The following TMEM67 variants were observed in gnomAD, a reference collection of about 807,000 sequenced individuals.
TMEM67 encodes the protein meckelin.
TMEM67 carries 124 observed loss-of-function variants against 136.6 expected under a neutral mutation model. The ratio of observed to expected loss-of-function variants is 0.91; its 90% CI spans 0.78 to 1.05. TMEM67 has a LOEUF of 1.05. TMEM67 is among the 50% of genes least tolerant of loss of function. The pLI is 0.00. For synonymous variants in TMEM67, 364 were observed against 390.5 expected (o/e 0.93, Z 0.80); for missense variants, 1,107 against 1,178.4 (o/e 0.94, Z 0.89).
At chr8:93,760,794 AC>A (rs1296338366) in intron 3 of TMEM67, among the ~76,000 whole-genome samples, 2 of 152,172 alleles carry the variant, frequency 1.3e-5, no homozygotes, top group Non-Finnish European at 2.9e-5. Flanking sequence ...ATTAATGCAT[AC>A]AATAGACAGA....
chr8:93,757,927 T>C (rs1322438601), intron 2 of TMEM67, among the ~76,000 whole-genome samples: 1 of 152,112 alleles, frequency 6.6e-6, no homozygotes, highest in African/African-American at 2.4e-5. Flanking sequence ...CAGCTAATTT[T>C]TGTATTTTTA....
At chr8:93,789,289 T>C (rs1814263322) in intron 14 of TMEM67, among the ~76,000 whole-genome samples, 1 of 152,176 alleles carries the variant, frequency 6.6e-6, no homozygotes. Context: ...CTCATTTGTA[T>C]TACCTAATCC....
chr8:93,770,946 CAG>C (rs1234994109), intron 6 of TMEM67, among the ~76,000 whole-genome samples: 6 of 151,154 alleles, frequency 4.0e-5, no homozygotes, highest in Non-Finnish European at 8.8e-5. Flanking sequence ...ACCCAGGAGA[CAG>C]AGGTTGCAGT....
chr8:93,813,793 A>G (rs1052696699), intron 26 of TMEM67, among the ~76,000 whole-genome samples: 1 of 152,242 alleles, frequency 6.6e-6, no homozygotes, highest in African/African-American at 2.4e-5. Flanking sequence ...AGGAGAAAGT[A>G]GAAGCACACA....
chr8:93,805,576 G>A (rs1299560317), intron 23 of TMEM67, among the ~76,000 whole-genome samples: 12 of 137,446 alleles, frequency 8.7e-5, no homozygotes, highest in African/African-American at 3.4e-4. Context: ...GCGAGACTCC[G>A]TCTCAAAAAA....
intron 26 of TMEM67, among the ~76,000 whole-genome samples, chr8:93,810,534 C>A (rs1052051935): frequency 2.0e-5 from 3 of 152,022 alleles, no homozygotes; most frequent in Admixed American, 2.0e-4. Flanking sequence ...GAGCTGGGAT[C>A]ACTCCATTGC....
In TMEM67 at chr8:93,816,964, T is replaced by C. The variant is rs570774838; in HGVS notation, c.*512T>C. On this transcript the variant is annotated 3_prime_UTR_variant, in exon 28 of 28. Transcript: ENST00000453321. ...ATTATTGCTGATTCAATTTGCATCA[T>C]TCTAATTGCTCATCCTCTTTGGCAG... is the stretch of plus-strand genomic sequence containing the variant. The C allele has an allele frequency of 6.5e-6, 1 of 152,860 alleles. No homozygotes were observed. Among genetic ancestry groups the C allele is most frequent in the East Asian group, 1.9e-4 (1 of 5,208 alleles). 9.5% of individuals were successfully genotyped at this position (152,860 alleles called of 1,614,324 possible). A position where few individuals can be genotyped will look rare whatever the true frequency, so the allele number is the denominator to read the frequency against.
the TMEM67 span, among the ~76,000 whole-genome samples, chr8:93,828,856 A>C: frequency 6.6e-6 from 1 of 152,094 alleles, no homozygotes; most frequent in Non-Finnish European, 1.5e-5. Flanking sequence ...AAACAAGACT[A>C]TTGTTAGTCA....
At chr8:93,755,205 A>G (rs1812515510) in intron 1 of TMEM67, 68 bp downstream of exon 1, 1 of 1,404,988 alleles carries the variant, frequency 7.1e-7, no homozygotes, top group African/African-American at 1.4e-5. Context: ...TAGTCCCCGT[A>G]AATGGAGTTT....
chr8:93,792,722 G>T (rs573280018), intron 15 of TMEM67, among the ~76,000 whole-genome samples: 8 of 149,328 alleles, frequency 5.4e-5, no homozygotes, highest in Non-Finnish European at 1.0e-4. Flanking sequence ...TGTTCAAATT[G>T]TCCCAGATTT....
chr8:93,779,875 C>T (rs1404811112), intron 7 of TMEM67, among the ~76,000 whole-genome samples: 5 of 152,180 alleles, frequency 3.3e-5, no homozygotes, highest in African/African-American at 7.2e-5. Flanking sequence ...TGAGCTCAAA[C>T]GCTGTGCTGG....
intron 6 of TMEM67, among the ~76,000 whole-genome samples, chr8:93,767,658 T>C (rs1219163910): frequency 6.6e-6 from 1 of 152,124 alleles, no homozygotes; most frequent in Non-Finnish European, 1.5e-5. Flanking sequence ...ATACTCATTA[T>C]TTGTTTTGAT....
chr8:93,821,291 T>A (rs1809037030), downstream of TMEM67, among the ~76,000 whole-genome samples: 2 of 152,182 alleles, frequency 1.3e-5, no homozygotes, highest in South Asian at 4.1e-4. Flanking sequence ...TAGTTTTTTA[T>A]TTTGTTTTGA....
At chr8:93,799,169 A>G (rs1019250175) in intron 20 of TMEM67, among the ~76,000 whole-genome samples, 1 of 152,174 alleles carries the variant, frequency 6.6e-6, no homozygotes, top group African/African-American at 2.4e-5. Flanking sequence ...GTATTTAAAC[A>G]TAGATTCTTT....
At chr8:93,791,463 A>G (rs1586060237) in intron 15 of TMEM67, 144 bp downstream of exon 15, 3 of 613,778 alleles carry the variant, frequency 4.9e-6, no homozygotes, top group Admixed American at 2.9e-5. Context: ...CCTTAGTACA[A>G]TGATCATAAT....
In TMEM67 at chr8:93,809,109, G is replaced by C; in HGVS notation, c.2609G>C (p.Ser870Thr). ...TCATCAGCAAGTACTTTTGAGCAGA[G>C]TATAAAAGCATATCATATGATGAAT... is the stretch of plus-strand genomic sequence containing the variant. ...LSSSASTFEQ[S>T]IKAYHMMNKF... Residue 870 changes from serine (S) to threonine (T), a missense_variant, in exon 25 of 28, where the codon AGT (serine) becomes ACT (threonine). Physicochemically the swap from Ser to Thr is moderately conservative, Grantham distance 58. Transcript: ENST00000453321. 6.2e-7 allele frequency: 1 copy of C among 1,611,202 alleles called. No individual in the cohort carries two copies. The highest frequency in any genetic ancestry group is 8.5e-7 in the Non-Finnish European group (1 of 1,177,960).
At chr8:93,809,973 T>A in intron 26 of TMEM67, 86 bp downstream of exon 26, 2 of 364,870 alleles carry the variant, frequency 5.5e-6, no homozygotes, top group African/African-American at 2.5e-5. Flanking sequence ...CTTTTTTTCT[T>A]TTTTTTTTTT....
At chr8:93,821,559 C>T (rs1809041245), downstream of TMEM67, among the ~76,000 whole-genome samples, 3 of 152,196 alleles carry the variant, frequency 2.0e-5, no homozygotes, top group South Asian at 6.2e-4. Flanking sequence ...ACTAGGATTA[C>T]ACACCTGTGT....
intron 2 of TMEM67, chr8:93,757,216 G>A (rs1337019381): frequency 6.6e-6 from 1 of 151,780 alleles, no homozygotes; most frequent in Non-Finnish European, 1.5e-5. Context: ...ATAATTTGTG[G>A]CATTATTTTT....
Sources: allele counts gnomAD v4.1 joint callset (sites outside exome capture counted in the v4.1 genomes callset), GRCh38; gene constraint gnomAD v4.1.1; transcripts MANE v1.5; gene names NCBI Gene and HGNC (gene_info 2026-07-23, HGNC 2026-07-21).